The following DAB1 variants were observed in gnomAD, a reference collection of about 807,000 sequenced individuals.
The protein encoded by DAB1 is disabled homolog 1.
A neutral mutation model predicts 64.6 loss-of-function variants in DAB1; 15 were observed. That is an observed-to-expected ratio of 0.23 (90% CI 0.16 to 0.36). DAB1 has a LOEUF of 0.36. DAB1 is among the 10% of genes least tolerant of loss of function. The probability of loss-of-function intolerance (pLI) is 1.00; values close to 1 mark genes in which losing one functional copy is unlikely to be tolerated. For missense variants in DAB1, 596 were observed against 706.7 expected (o/e 0.84, Z 1.78); for synonymous variants, 235 against 251.9 (o/e 0.93, Z 0.64).
intron 7 of DAB1, among the ~76,000 whole-genome samples, chr1:57,439,714 A>G (rs1022778284): frequency 6.6e-6 from 1 of 151,424 alleles, no homozygotes; most frequent in Non-Finnish European, 1.5e-5. Context: ...GGCGTGAGCC[A>G]CCGCACCCGG....
chr1:58,151,975 T>C (rs928705429), intron 4 of DAB1, among the ~76,000 whole-genome samples: 11 of 151,942 alleles, frequency 7.2e-5, no homozygotes, highest in Non-Finnish European at 1.5e-4. Flanking sequence ...CAGAAGAATA[T>C]CCCAGGCAGA....
chr1:57,251,766 C>A (rs1033781666), intron 2 of DAB1, among the ~76,000 whole-genome samples: 4 of 152,124 alleles, frequency 2.6e-5, no homozygotes, highest in African/African-American at 9.7e-5. Context: ...CAAACAAAAC[C>A]TGCTGGGAGA....
chr1:58,442,451 G>A (rs972191207), intron 3 of DAB1, among the ~76,000 whole-genome samples: 3 of 139,352 alleles, frequency 2.2e-5, no homozygotes, highest in South Asian at 4.4e-4. Flanking sequence ...ACATCCACAC[G>A]TAAAACTCCA....
At chr1:57,150,573 G>A (rs74074216) in intron 2 of DAB1, among the ~76,000 whole-genome samples, 7,664 of 152,116 alleles carry the variant, frequency 0.05, 646 homozygotes, top group African/African-American at 0.18. Flanking sequence ...TCCACCCCTT[G>A]GCACTATATG....
chr1:57,775,755 GA>G (rs1649766637), intron 6 of DAB1, among the ~76,000 whole-genome samples: 1 of 151,430 alleles, frequency 6.6e-6, no homozygotes, highest in Non-Finnish European at 1.5e-5. Context: ...ATATTCTACT[GA>G]TTTTTTTATC....
At chr1:57,439,648 T>C (rs573868396) in intron 7 of DAB1, among the ~76,000 whole-genome samples, 28,584 of 112,438 alleles carry the variant, frequency 0.25, 5,207 homozygotes, top group African/African-American at 0.39. Context: ...AGGATGGTCT[T>C]GATCTTCTGA....
chr1:58,108,363 C>T (rs1265170706), intron 5 of DAB1, among the ~76,000 whole-genome samples: 2 of 152,090 alleles, frequency 1.3e-5, no homozygotes, highest in African/African-American at 4.8e-5. Context: ...TCAGTGAGTG[C>T]TTGGATCCAT....
intron 2 of DAB1, among the ~76,000 whole-genome samples, chr1:57,192,225 G>A (rs1339668385): frequency 1.3e-5 from 2 of 151,938 alleles, no homozygotes; most frequent in Non-Finnish European, 2.9e-5. Context: ...GCTGAGTCAG[G>A]AGAATCACTT....
At chr1:57,257,837 A>G (rs939491449) in intron 2 of DAB1, among the ~76,000 whole-genome samples, 6 of 152,102 alleles carry the variant, frequency 3.9e-5, no homozygotes, top group African/African-American at 9.7e-5. Flanking sequence ...CTCTGTGCCT[A>G]GTGGTCACAT....
intron 3 of DAB1, among the ~76,000 whole-genome samples, chr1:58,384,631 C>T (rs1644418271): frequency 6.6e-6 from 1 of 152,140 alleles, no homozygotes; most frequent in Non-Finnish European, 1.5e-5. Flanking sequence ...TGTCTGTCTG[C>T]AAGCTGAGGA....
chr1:57,395,116 C>T (rs1018880365), intron 1 of DAB1, among the ~76,000 whole-genome samples: 3 of 152,108 alleles, frequency 2.0e-5, no homozygotes, highest in East Asian at 1.9e-4. Context: ...CCTCCACCTC[C>T]GGGTTTCAGG....
At chr1:57,562,683 G>C (rs1167554207) in intron 7 of DAB1, among the ~76,000 whole-genome samples, 1 of 152,160 alleles carries the variant, frequency 6.6e-6, no homozygotes, top group Non-Finnish European at 1.5e-5. Context: ...ATCACCCCTA[G>C]TGATCCACTA....
rs544203889 is a variant in DAB1 at position 57,370,032 on chromosome 1, A to G, written c.-137+53898T>C. 2.6e-5 allele frequency among the ~76,000 whole-genome samples: 4 copies of G among 152,226 alleles called. No homozygotes were observed. In the South Asian group the frequency reaches 8.3e-4, roughly 32 times the overall value. The stretch of plus-strand genomic sequence containing the variant: ...TGTCTTGAACAGCATTCTTCCTGCA[A>G]TGACCATCACATTCCCCGGTATCAC... On this transcript the variant is annotated intron_variant, in intron 1 of 14. Transcript: ENST00000371236.
chr1:58,545,828 T>A (rs774123654), intron 1 of DAB1, among the ~76,000 whole-genome samples: 20 of 152,176 alleles, frequency 1.3e-4, no homozygotes, highest in Admixed American at 2.6e-4. Flanking sequence ...TTTAAAATAA[T>A]CATTCAAGCA....
chr1:57,330,026 T>C (rs559497534), intron 1 of DAB1, among the ~76,000 whole-genome samples: 2 of 152,266 alleles, frequency 1.3e-5, no homozygotes, highest in Admixed American at 1.3e-4. Context: ...GTTTTATGCT[T>C]TCACTGCAGT....
intron 5 of DAB1, among the ~76,000 whole-genome samples, chr1:58,061,788 AC>A (rs1262819804): frequency 1.3e-5 from 2 of 152,094 alleles, no homozygotes; most frequent in Non-Finnish European, 2.9e-5. Flanking sequence ...GGTTTATTGC[AC>A]CCCATAGGGT....
intron 7 of DAB1, among the ~76,000 whole-genome samples, chr1:57,474,913 G>A (rs1324564079): frequency 6.6e-6 from 1 of 152,100 alleles, no homozygotes; most frequent in Non-Finnish European, 1.5e-5. Flanking sequence ...TTGGGTCTAG[G>A]AGAAGAGAGA....
intron 6 of DAB1, among the ~76,000 whole-genome samples, chr1:57,712,851 T>C (rs1160333054): frequency 6.6e-6 from 1 of 152,242 alleles, no homozygotes; most frequent in Non-Finnish European, 1.5e-5. Context: ...TTTTAAGTTA[T>C]ACTCCAGTAT....
intron 7 of DAB1, among the ~76,000 whole-genome samples, chr1:57,575,071 A>G (rs538546297): frequency 2.1e-4 from 32 of 152,372 alleles, no homozygotes; most frequent in East Asian, 1.3e-3. Context: ...GGTCTCCCCA[A>G]TATGATTACA....
Sources: gnomAD v4.1 joint callset for allele counts (sites outside exome capture counted in the v4.1 genomes callset) on GRCh38, gnomAD v4.1.1 for gene constraint, MANE v1.5 for transcripts, NCBI Gene and HGNC (gene_info 2026-07-23, HGNC 2026-07-21) for gene names.